Variants in BIRC6 observed in about 807,000 individuals in gnomAD.
The protein encoded by BIRC6 is dual E2 ubiquitin-conjugating enzyme/E3 ubiquitin-protein ligase BIRC6.
Under a neutral mutation model 503.3 loss-of-function variants are expected in BIRC6, and 98 were observed. The ratio of observed to expected loss-of-function variants is 0.19; its 90% confidence interval spans 0.17 to 0.23. BIRC6 has a LOEUF of 0.23. Ranked by LOEUF, BIRC6 falls within the 10% of genes least tolerant of loss-of-function variation. The pLI is 1.00. For missense variants in BIRC6, 5,360 were observed against 5,806.0 expected, an observed-to-expected ratio of 0.92 and a Z score of 2.50; for synonymous variants, 2,240 against 2,078.7, an observed-to-expected ratio of 1.08 and a Z score of -2.11.
chr2:32,567,983 G>A (rs2059645200), intron 65 of BIRC6, among the ~76,000 whole-genome samples: 2 of 152,104 alleles, frequency 1.3e-5, no homozygotes, highest in South Asian at 4.1e-4. Context: ...ATGGTGGCGG[G>A]CACCTGTACT....
intron 11 of BIRC6, 127 bp from the exon 12 acceptor site, chr2:32,430,738 T>G (rs1044846305): frequency 1.5e-5 from 10 of 676,782 alleles, no homozygotes; most frequent in East Asian, 8.2e-5. Context: ...TTATTAACTT[T>G]CAGAATATTT....
At chr2:32,564,268 GT>G (rs1015154345) in intron 65 of BIRC6, 2 of 152,176 alleles carry the variant, frequency 1.3e-5, no homozygotes, top group African/African-American at 4.8e-5. Flanking sequence ...GCAGCAAAAT[GT>G]TTTCAGGGTT....
intron 13 of BIRC6, among the ~76,000 whole-genome samples, chr2:32,434,431 C>G (rs963653466): frequency 1.3e-5 from 2 of 152,070 alleles, no homozygotes; most frequent in Non-Finnish European, 1.5e-5. Context: ...GCCTGGCACT[C>G]TCTATCTGTG....
chr2:32,404,665 C>G (rs2040992577), intron 8 of BIRC6, among the ~76,000 whole-genome samples: 1 of 151,442 alleles, frequency 6.6e-6, no homozygotes, highest in African/African-American at 2.4e-5. Flanking sequence ...TGTGATTTTA[C>G]AAATATATAT....
chr2:32,536,317 C>G (rs2057230086), intron 61 of BIRC6, among the ~76,000 whole-genome samples: 1 of 152,136 alleles, frequency 6.6e-6, no homozygotes, highest in Non-Finnish European at 1.5e-5. Context: ...TTAATTAGAT[C>G]CCATTTGTCA....
chr2:32,513,784 C>T lies in BIRC6; in HGVS notation c.10568+630C>T, dbSNP rs182284712. 1.1e-4 allele frequency among the ~76,000 whole-genome samples: 16 copies of T among 152,274 alleles called. No individual in the cohort carries two copies. The South Asian group carries it at 2.9e-3, about 28-fold the overall frequency. Reference sequence around the variant, plus strand: ...ACTAGCCCGGCGTGGTGGCGCGTGTCTGTAATCCCAGTTACTTGGGAGGCT... The same window carrying T: ...ACTAGCCCGGCGTGGTGGCGCGTGTTTGTAATCCCAGTTACTTGGGAGGCT... On this transcript the variant is annotated intron_variant, in intron 54 of 73. Coordinates refer to ENST00000421745, the MANE Select transcript of BIRC6 (RefSeq NM_016252.4).
chr2:32,444,797 T>C (rs894783164), intron 20 of BIRC6, among the ~76,000 whole-genome samples: 1 of 152,220 alleles, frequency 6.6e-6, no homozygotes, highest in African/African-American at 2.4e-5. Context: ...AGTTATATCA[T>C]TTTCTTAATT....
chr2:32,379,699 A>C (rs2037347381), intron 2 of BIRC6: 1 of 152,944 alleles, frequency 6.5e-6, no homozygotes, highest in Non-Finnish European at 1.5e-5. Flanking sequence ...TCTTTATTAC[A>C]GTAGTTCATA....
chr2:32,470,294 G>C lies in BIRC6; in HGVS notation c.6474G>C (p.Arg2158Ser). 6.4e-7 allele frequency: 1 copy of C among 1,566,246 alleles called. No homozygotes were observed. The highest frequency in any genetic ancestry group is 8.6e-7 in the Non-Finnish European group (1 of 1,156,118). Residue 2158 changes from arginine (R) to serine (S), a missense_variant, in exon 31 of 74, where the codon AGG (arginine) becomes AGC (serine). Physicochemically the swap from Arg to Ser is moderately radical, Grantham distance 110. This residue lies in a region of BIRC6 where 2,299 missense variants were observed against 2,267.2 expected (regional missense o/e 1.01). Transcript: ENST00000421745. ...PLQPQLPMHR[R>S]TEGVLDIPMI... Reference sequence around the variant, plus strand: ...AGCCACAGTTACCCATGCATAGGAGGACAGAAGGTATTAAGAGAAAGCAGT... The same window carrying C: ...AGCCACAGTTACCCATGCATAGGAGCACAGAAGGTATTAAGAGAAAGCAGT...
intron 65 of BIRC6, among the ~76,000 whole-genome samples, chr2:32,562,938 A>G (rs576681930): frequency 1.5e-4 from 23 of 152,154 alleles, no homozygotes; most frequent in African/African-American, 5.3e-4. Context: ...TGTTTCACTG[A>G]TCTATTTGTT....
chr2:32,543,219 C>T, intron 61 of BIRC6, 22 bp from the exon 62 acceptor site: 3 of 1,606,886 alleles, frequency 1.9e-6, no homozygotes, highest in Non-Finnish European at 1.7e-6. Context: ...ATGGCCAAGC[C>T]AACACTTTTC....
chr2:32,382,872 C>T (rs1445670992), intron 3 of BIRC6, among the ~76,000 whole-genome samples: 2 of 148,558 alleles, frequency 1.3e-5, no homozygotes, highest in East Asian at 2.1e-4. Flanking sequence ...TACAGATGTG[C>T]ACCACCATGC....
chr2:32,482,392 C>G (rs907820909), intron 38 of BIRC6, 37 bp from the exon 39 acceptor site: 4 of 1,595,626 alleles, frequency 2.5e-6, no homozygotes, highest in East Asian at 2.2e-5. Context: ...AGCCAAGAGG[C>G]AAAAATAAAC....
chr2:32,433,509 T>C, intron 12 of BIRC6, 135 bp from the exon 13 acceptor site: 1 of 655,918 alleles, frequency 1.5e-6, no homozygotes, highest in Non-Finnish European at 2.4e-6. Flanking sequence ...ATTTTCTCTC[T>C]TGATCCCATT....
chr2:32,537,502 A>C lies in BIRC6; in HGVS notation c.12292-5739A>C, dbSNP rs116265078. Among the ~76,000 whole-genome samples, 548 of 151,946 alleles carry C rather than the reference A, an allele frequency of 3.6e-3. 5 individuals carry two copies. The highest frequency in any genetic ancestry group is 0.013 in the African/African-American group (522 of 41,198). Reference sequence around the variant, plus strand: ...CTAGAAGACAACAAGCAACAAAATAAGCAAAAAAATCTGTCATCCTAGAAT... The same window carrying C: ...CTAGAAGACAACAAGCAACAAAATACGCAAAAAAATCTGTCATCCTAGAAT... On this transcript the variant is annotated intron_variant, in intron 61 of 73. Transcript: ENST00000421745.
At position 32,522,859 on chromosome 2, in the gene BIRC6, T is replaced by A. The variant is rs937267270; in HGVS notation, c.11624-2029T>A. ...GTATAGATCTCTGGAGATCCAGGGA[T>A]CTCCAGATCTCTAGATGCAAATCTG... On this transcript the variant is annotated intron_variant, in intron 57 of 73. Transcript: ENST00000421745. 2.6e-5 allele frequency: 4 copies of A among 152,094 alleles called. No homozygotes were observed. The East Asian group carries it at 7.7e-4, about 29-fold the overall frequency. 9.4% of individuals were successfully genotyped at this position (152,094 alleles called of 1,614,324 possible). A position where few individuals can be genotyped will look rare whatever the true frequency, so the allele number is the denominator to read the frequency against.
In BIRC6 at chr2:32,415,947, A is replaced by G. The variant is rs935993250; in HGVS notation, c.2656A>G (p.Lys886Glu). The stretch of plus-strand genomic sequence containing the variant: ...TATTGAGGACATGCAGTTAACCTCA[A>G]AGAATGGTTTTGAGAGAGAAAAAAC... ...EPIEDMQLTSKNGFEREKTSD... is the reference protein window; with the variant it reads ...EPIEDMQLTSENGFEREKTSD... Residue 886 changes from lysine to glutamate, a missense_variant, in exon 10 of 74, where the codon AAG (lysine) becomes GAG (glutamate). Physicochemically the swap from Lys to Glu is moderately conservative, Grantham distance 56 (BLOSUM62 1). Coordinates refer to ENST00000421745, the MANE Select transcript of BIRC6 (RefSeq NM_016252.4). The G allele has an allele frequency of 5.0e-6, 8 of 1,613,852 alleles. No individual in the cohort carries two copies. In the African/African-American group the frequency reaches 1.1e-4, roughly 22 times the overall value.
At chr2:32,552,747 A>C (rs763748141) in intron 65 of BIRC6, among the ~76,000 whole-genome samples, 25 of 152,096 alleles carry the variant, frequency 1.6e-4, no homozygotes, top group Non-Finnish European at 3.5e-4. Context: ...CAGTAAGCCA[A>C]GATCGTGCCA....
At chr2:32,368,674 C>T (rs896518536) in intron 1 of BIRC6, among the ~76,000 whole-genome samples, 1 of 152,072 alleles carries the variant, frequency 6.6e-6, no homozygotes, top group Non-Finnish European at 1.5e-5. Flanking sequence ...CCTTTTGAAA[C>T]GGAGTCTCAC....
Sources: gnomAD v4.1 joint callset for allele counts (sites outside exome capture counted in the v4.1 genomes callset) on GRCh38, gnomAD v4.1.1 for gene constraint, gnomAD v4.1.1 regional missense constraint, MANE v1.5 for transcripts, NCBI Gene and HGNC (gene_info 2026-07-23, HGNC 2026-07-21) for gene names.